The following L3MBTL4 variants were observed in gnomAD, a reference collection of about 807,000 sequenced individuals.
L3MBTL4 encodes L3MBTL histone methyl-lysine binding protein 4.
A neutral mutation model predicts 84.5 loss-of-function variants in L3MBTL4; 70 were observed. The observed-to-expected ratio is 0.83, with a 90% CI of 0.68 to 1.01. The LOEUF (loss-of-function observed/expected upper bound fraction) is 1.01, where lower values mean the gene tolerates loss of function less well. Among genes scored for constraint, L3MBTL4 ranks in the 50% least tolerant of loss-of-function variants. The pLI, the probability that L3MBTL4 is intolerant of heterozygous loss-of-function variation, is 0.00. For missense variants in L3MBTL4, 715 were observed against 754.8 expected (o/e 0.95, Z 0.62); for synonymous variants, 274 against 259.8 (o/e 1.05, Z -0.52).
chr18:6,114,559 G>A (rs2059300174), intron 14 of L3MBTL4, among the ~76,000 whole-genome samples: 1 of 152,046 alleles, frequency 6.6e-6, no homozygotes, highest in African/African-American at 2.4e-5. Context: ...TAGTGCCTTG[G>A]ACACAGCAAT....
At chr18:5,967,347 T>A (rs927537933) in intron 17 of L3MBTL4, among the ~76,000 whole-genome samples, 4 of 152,220 alleles carry the variant, frequency 2.6e-5, no homozygotes, top group African/African-American at 9.6e-5. Context: ...AAAGTGAGTA[T>A]CCGCCTTACT....
chr18:6,248,792 C>T (rs529933184), intron 5 of L3MBTL4, among the ~76,000 whole-genome samples: 184 of 152,278 alleles, frequency 1.2e-3, no homozygotes, highest in African/African-American at 4.2e-3. Context: ...TTCACAGCTG[C>T]ATTGTACTCC....
intron 13 of L3MBTL4, among the ~76,000 whole-genome samples, chr18:6,153,585 A>G (rs1196884926): frequency 1.3e-5 from 2 of 151,862 alleles, no homozygotes; most frequent in African/African-American, 4.8e-5. Context: ...TAAGTCTAAG[A>G]GTTTCTTTGT....
intron 16 of L3MBTL4, among the ~76,000 whole-genome samples, chr18:6,079,653 A>T (rs2058001545): frequency 6.6e-6 from 1 of 152,212 alleles, no homozygotes; most frequent in African/African-American, 2.4e-5. Context: ...ACATATACAT[A>T]ATTACTCTGT....
chr18:6,140,134 T>C (rs762356739), intron 13 of L3MBTL4, among the ~76,000 whole-genome samples: 4 of 152,074 alleles, frequency 2.6e-5, no homozygotes, highest in Non-Finnish European at 4.4e-5. Flanking sequence ...CAAAATCGTA[T>C]CCTCCCATAC....
At chr18:5,987,704 A>T (rs1274691647) in intron 16 of L3MBTL4, among the ~76,000 whole-genome samples, 1 of 151,706 alleles carries the variant, frequency 6.6e-6, no homozygotes, top group Non-Finnish European at 1.5e-5. Flanking sequence ...ATTTACTAAA[A>T]ATAGGTTAGT....
chr18:6,013,254 A>C (rs2054817204), intron 16 of L3MBTL4, among the ~76,000 whole-genome samples: 1 of 152,126 alleles, frequency 6.6e-6, no homozygotes, highest in African/African-American at 2.4e-5. Flanking sequence ...AGCTTTTTAA[A>C]GTTAGAACAT....
chr18:6,311,863 T>C, intron 2 of L3MBTL4, 135 bp downstream of exon 2: 1 of 393,730 alleles, frequency 2.5e-6, no homozygotes, highest in Non-Finnish European at 4.7e-6. Flanking sequence ...TACTACCTCA[T>C]CTAGAATTTA....
At chr18:6,231,259 G>T (rs1009136135) in intron 10 of L3MBTL4, among the ~76,000 whole-genome samples, 1 of 152,044 alleles carries the variant, frequency 6.6e-6, no homozygotes, top group Non-Finnish European at 1.5e-5. Flanking sequence ...TTTGTACATG[G>T]TATAATGAAG....
At chr18:6,186,707 C>T (rs73383937) in intron 12 of L3MBTL4, among the ~76,000 whole-genome samples, 13 of 152,052 alleles carry the variant, frequency 8.5e-5, no homozygotes, top group East Asian at 1.9e-4. Context: ...AACCAGCAAA[C>T]GCACCTTCCT....
chr18:5,958,429 T>C lies in L3MBTL4; in HGVS notation c.1677+1665A>G, dbSNP rs1457777629. Among the ~76,000 whole-genome samples, 3 of 152,296 alleles carry C rather than the reference T, an allele frequency of 2.0e-5. No homozygotes were observed. The East Asian group carries it at 5.8e-4, about 29-fold the overall frequency. On this transcript the variant is annotated intron_variant, in intron 18 of 18. Coordinates refer to ENST00000317931, the MANE Select transcript of L3MBTL4 (RefSeq NM_001330559.2). ...CATCCATACCCTGACCTGGCTAAGC[T>C]CCAGCATTTTCAGGCAAAAATTGCT...
At chr18:6,182,180 A>T (rs1453430190) in intron 12 of L3MBTL4, among the ~76,000 whole-genome samples, 2 of 152,140 alleles carry the variant, frequency 1.3e-5, no homozygotes, top group East Asian at 3.9e-4. Context: ...TGACTTTTTA[A>T]TAATAGCCAT....
At chr18:6,095,370 T>C (rs1386062736) in intron 14 of L3MBTL4, among the ~76,000 whole-genome samples, 3 of 146,956 alleles carry the variant, frequency 2.0e-5, no homozygotes, top group Admixed American at 6.9e-5. Context: ...TTTTTTGAGA[T>C]GGAGTCTCGC....
At chr18:6,125,949 C>T (rs73938748) in intron 14 of L3MBTL4, among the ~76,000 whole-genome samples, 2,103 of 152,150 alleles carry the variant, frequency 0.014, 49 homozygotes, top group African/African-American at 0.048. Flanking sequence ...ACCAAAGACA[C>T]GAATTTATGG....
intron 1 of L3MBTL4, among the ~76,000 whole-genome samples, chr18:6,386,947 G>C (rs2054846499): frequency 1.3e-5 from 2 of 152,210 alleles, no homozygotes; most frequent in Non-Finnish European, 2.9e-5. Context: ...GGCCACTGAA[G>C]AGTCTGTAGC....
In L3MBTL4 at chr18:6,334,138, T is replaced by A. The variant is rs117222458; in HGVS notation, c.-90-22082A>T. Among the ~76,000 whole-genome samples, 664 of 152,318 alleles carry A rather than the reference T, an allele frequency of 4.4e-3. 3 individuals are homozygous for A. The highest frequency in any genetic ancestry group is 7.1e-3 in the Non-Finnish European group (485 of 68,022). On this transcript the variant is annotated intron_variant, in intron 1 of 18. Coordinates refer to ENST00000317931, the MANE Select transcript of L3MBTL4 (RefSeq NM_001330559.2). ...GCCTAAGCACAGGTTTGGCTGTGTC[T>A]CTTGGCAGCTTGACAGAACATCTGC... is the stretch of plus-strand genomic sequence containing the variant.
chr18:6,193,073 T>C (rs533454723), intron 12 of L3MBTL4, among the ~76,000 whole-genome samples: 2 of 151,612 alleles, frequency 1.3e-5, no homozygotes, highest in African/African-American at 4.8e-5. Context: ...TCAGAAAGGA[T>C]GTGAGAAACT....
At chr18:6,134,834 C>G (rs1226179257) in intron 14 of L3MBTL4, among the ~76,000 whole-genome samples, 2 of 152,150 alleles carry the variant, frequency 1.3e-5, no homozygotes, top group Non-Finnish European at 2.9e-5. Flanking sequence ...GTCAGCGGAT[C>G]TACCATTCTG....
chr18:6,075,686 G>T (rs2057833579), intron 16 of L3MBTL4, among the ~76,000 whole-genome samples: 1 of 152,132 alleles, frequency 6.6e-6, no homozygotes, highest in African/African-American at 2.4e-5. Flanking sequence ...TCTGGAATTT[G>T]CATTCATCAC....
Sources: gnomAD v4.1 joint callset for allele counts (sites outside exome capture counted in the v4.1 genomes callset) on GRCh38, gnomAD v4.1.1 for gene constraint, MANE v1.5 for transcripts, NCBI Gene and HGNC (gene_info 2026-07-23, HGNC 2026-07-21) for gene names.